Variants in TCTN2 observed in about 807,000 individuals in gnomAD.
The protein encoded by TCTN2 is tectonic family member 2.
Under a neutral mutation model 83.4 loss-of-function variants are expected in TCTN2, and 66 were observed. The ratio of observed to expected loss-of-function variants is 0.79; its 90% CI spans 0.65 to 0.97. TCTN2 has a LOEUF of 0.97. Among genes scored for constraint, TCTN2 ranks in the 50% least tolerant of loss-of-function variants. The probability of loss-of-function intolerance (pLI) is 0.00; values close to 1 mark genes in which losing one functional copy is unlikely to be tolerated. For synonymous variants in TCTN2, 301 were observed against 326.7 expected (o/e 0.92, Z 0.85); for missense variants, 794 against 858.1 (o/e 0.93, Z 0.93).
At chr12:123,706,701 T>G (rs1428526854) in intron 15 of TCTN2, 25 bp from the exon 16 acceptor site, 1 of 1,613,906 alleles carries the variant, frequency 6.2e-7, no homozygotes, top group Admixed American at 1.7e-5. Context: ...GTGGCTATGC[T>G]GACCATGTGA....
At chr12:123,702,792 T>C (rs1956187694) in intron 14 of TCTN2, among the ~76,000 whole-genome samples, 1 of 152,210 alleles carries the variant, frequency 6.6e-6, no homozygotes, top group Admixed American at 6.5e-5. Context: ...ATCAGTGTGG[T>C]GATGACATTT....
chr12:123,707,251 A>C, intron 17 of TCTN2, 178 bp downstream of exon 17: 1 of 659,570 alleles, frequency 1.5e-6, no homozygotes, highest in Non-Finnish European at 2.6e-6. Context: ...ATTTCTACCT[A>C]CACTGTTTTT....
chr12:123,695,137 A>G (rs1390554857), intron 10 of TCTN2, 83 bp from the exon 11 acceptor site: 1 of 1,391,814 alleles, frequency 7.2e-7, no homozygotes, highest in Non-Finnish European at 1.0e-6. Flanking sequence ...GACAAAATGC[A>G]ATTTTAAGGT....
rs149101969 is a variant in TCTN2, at chr12:123,685,084, A to C, written c.565-1752A>C. On this transcript the variant is annotated intron_variant, in intron 5 of 17. Transcript: ENST00000303372. ...AAAAAAAGAGTAAAGTACATCATAC[A>C]TTTGGCTCAGGTATCATTAGAATTG... Among the ~76,000 whole-genome samples the C allele has an allele frequency of 7.4e-3, 1,119 of 151,146 alleles. 13 individuals carry two copies. The highest frequency in any genetic ancestry group is 0.025 in the African/African-American group (1,032 of 41,244).
intron 5 of TCTN2, among the ~76,000 whole-genome samples, chr12:123,682,338 T>C (rs1955908930): frequency 6.6e-6 from 1 of 152,232 alleles, no homozygotes; most frequent in Non-Finnish European, 1.5e-5. Flanking sequence ...CATGTGCTTA[T>C]GGGATATTTG....
rs1181865282 is a variant in TCTN2 at position 123,695,077 on chromosome 12, T to G, written c.1234+101T>G. ...TATAACCCATAAAACTAAGTTGGAC[T>G]TGTTTCTTATGTGCATTTATGATTT... is the stretch of plus-strand genomic sequence containing the variant. On this transcript the variant is annotated intron_variant, in intron 10 of 17. Coordinates refer to ENST00000303372, the MANE Select transcript of TCTN2 (RefSeq NM_024809.5). 3.3e-6 allele frequency: 5 copies of G among 1,513,300 alleles called. No homozygotes were observed. In the Admixed American group the frequency reaches 8.8e-5, roughly 27 times the overall value. The allele number at this position is 1,513,300 out of a possible 1,614,324, so 93.7% of individuals were successfully genotyped here.
At chr12:123,692,753 C>T in intron 9 of TCTN2, 30 bp downstream of exon 9, 1 of 1,524,558 alleles carries the variant, frequency 6.6e-7, no homozygotes, top group Non-Finnish European at 9.1e-7. Context: ...GACGTCATTT[C>T]TTCAGAAACA....
chr12:123,682,931 T>G (rs1955917168), intron 5 of TCTN2, among the ~76,000 whole-genome samples: 1 of 152,048 alleles, frequency 6.6e-6, no homozygotes, highest in South Asian at 2.1e-4. Context: ...AATACACATT[T>G]AAAATTTTTT....
rs140083259 is a variant in TCTN2 at position 123,679,077 on chromosome 12, G to A, written c.464-112G>A. 1.1e-3 allele frequency: 1,017 copies of A among 940,796 alleles called. 8 individuals carry two copies. The African/African-American group carries it at 0.014, about 13-fold the overall frequency. The allele number at this position is 940,796 out of a possible 1,614,324, so 58.3% of individuals were successfully genotyped here. ...CTCCCAAAATGCTGGGATTACAGGC[G>A]TGAGCCACCGCGCCTGGCCGATAAT... On this transcript the variant is annotated intron_variant, in intron 4 of 17. Transcript: ENST00000303372.
chr12:123,671,457 G>C (rs1955749436), intron 1 of TCTN2, 50 bp from the exon 2 acceptor site: 2 of 1,599,298 alleles, frequency 1.3e-6, no homozygotes, highest in Non-Finnish European at 1.7e-6. Flanking sequence ...ACCTTAGGCG[G>C]TGATTCTTCC....
chr12:123,684,270 TTTG>T (rs1955936117), intron 5 of TCTN2, among the ~76,000 whole-genome samples: 1 of 152,134 alleles, frequency 6.6e-6, no homozygotes. Context: ...GTTGTTTTGT[TTTG>T]TTTCCTTTTG....
chr12:123,695,125 A>G, intron 10 of TCTN2, 95 bp from the exon 11 acceptor site: 5 of 1,405,228 alleles, frequency 3.6e-6, no homozygotes, highest in Non-Finnish European at 5.0e-6. Context: ...TACACTTTGT[A>G]TGACAAAATG....
Position 123,701,504 on chromosome 12 carries a change from C to T in TCTN2, c.1612+1694C>T, listed in dbSNP as rs148195908. 2.9e-3 allele frequency among the ~76,000 whole-genome samples: 443 copies of T among 151,950 alleles called. 3 individuals are homozygous for T. The highest frequency in any genetic ancestry group is 1.0e-2 in the African/African-American group (414 of 41,432). ...CTGTAATCCCAGCACTTTGGGAGGCCGAGGCGGGTGGATCACGAGGTCAGG... is the reference window on the plus strand; with the variant it reads ...CTGTAATCCCAGCACTTTGGGAGGCTGAGGCGGGTGGATCACGAGGTCAGG... On this transcript the variant is annotated intron_variant, in intron 14 of 17. Transcript: ENST00000303372.
chr12:123,707,769 T>C lies in TCTN2; in HGVS notation c.*56T>C. The C allele has an allele frequency of 7.3e-7, 1 of 1,374,334 alleles. No individual in the cohort carries two copies. The highest frequency in any genetic ancestry group is 1.0e-6 in the Non-Finnish European group (1 of 963,762). 85.1% of individuals were successfully genotyped at this position (1,374,334 alleles called of 1,614,324 possible). A position where few individuals can be genotyped will look rare whatever the true frequency, so the allele number is the denominator to read the frequency against. Reference sequence around the variant, plus strand: ...GGAGTTTTGCTCTTGTTGCCCAGGCTGAAGTGATCTCGGCTCACCACAACC... The same window carrying C: ...GGAGTTTTGCTCTTGTTGCCCAGGCCGAAGTGATCTCGGCTCACCACAACC... On this transcript the variant is annotated 3_prime_UTR_variant, in exon 18 of 18. Coordinates refer to ENST00000303372, the MANE Select transcript of TCTN2 (RefSeq NM_024809.5).
At chr12:123,688,857 G>A (rs1359395152) in intron 7 of TCTN2, among the ~76,000 whole-genome samples, 3 of 151,956 alleles carry the variant, frequency 2.0e-5, no homozygotes, top group African/African-American at 7.3e-5. Context: ...CCGGGTTCAA[G>A]CGATTCTCCT....
chr12:123,688,235 A>G lies in TCTN2; in HGVS notation c.891+58A>G, dbSNP rs1956000257. ...TCTCTTTTTTTTTTTTTTTTTTATGAGACGGAGTCTCGCTCTTACCTCCTA... is the reference window on the plus strand; with the variant it reads ...TCTCTTTTTTTTTTTTTTTTTTATGGGACGGAGTCTCGCTCTTACCTCCTA... On this transcript the variant is annotated intron_variant, in intron 7 of 17. Coordinates refer to ENST00000303372, the MANE Select transcript of TCTN2 (RefSeq NM_024809.5). The G allele has an allele frequency of 1.0e-5, 15 of 1,432,684 alleles. No individual in the cohort carries two copies. In the East Asian group the frequency reaches 3.3e-4, roughly 32 times the overall value. The allele number at this position is 1,432,684 out of a possible 1,614,324, so 88.7% of individuals were successfully genotyped here.
In TCTN2 at chr12:123,707,063, G is replaced by A. The variant is rs757925646; in HGVS notation, c.1974G>A (p.Gln658=). 1 of 1,613,106 alleles carries A rather than the reference G, an allele frequency of 6.2e-7. No individual in the cohort carries two copies. Among genetic ancestry groups the A allele is most frequent in the South Asian group, 1.1e-5 (1 of 91,048 alleles). Residue 658 remains glutamine, a synonymous_variant, in exon 17 of 18, where the codon CAG becomes CAA. Transcript: ENST00000303372. The stretch of plus-strand genomic sequence containing the variant: ...CGCAGCTTCTATATCCATGGACTCA[G>A]TATTATCAAGGTAGGGTGAAACAGA... The part of the protein sequence containing the change: ...CWPQLLYPWT[Q]YYQGELHSQC...
intron 5 of TCTN2, among the ~76,000 whole-genome samples, chr12:123,684,822 T>C (rs1593844613): frequency 6.6e-6 from 1 of 151,604 alleles, no homozygotes; most frequent in South Asian, 2.1e-4. Flanking sequence ...GAGGCCGAGG[T>C]GGGTTGATCA....
intron 6 of TCTN2, 100 bp downstream of exon 6, chr12:123,687,135 C>T: frequency 2.9e-6 from 4 of 1,381,458 alleles, no homozygotes; most frequent in Non-Finnish European, 4.1e-6. Context: ...TTTTCCCAAC[C>T]CCTCTCCAGA....
Sources: allele counts gnomAD v4.1 joint callset (sites outside exome capture counted in the v4.1 genomes callset), GRCh38; gene constraint gnomAD v4.1.1; transcripts MANE v1.5; gene names NCBI Gene and HGNC (gene_info 2026-07-23, HGNC 2026-07-21).